Variants in NRDE2 observed in about 807,000 individuals in gnomAD.
NRDE2 encodes NRDE-2, necessary for RNA interference, domain containing.
NRDE2 carries 76 observed loss-of-function variants against 124.2 expected under a neutral mutation model. The ratio of observed to expected loss-of-function variants is 0.61; its 90% CI spans 0.51 to 0.74. NRDE2 has a LOEUF of 0.74. Among genes scored for constraint, NRDE2 ranks in the 30% least tolerant of loss-of-function variants. The pLI is 0.00. For missense variants in NRDE2, 1,314 were observed against 1,417.3 expected, an observed-to-expected ratio of 0.93 and a Z score of 1.17; for synonymous variants, 489 against 528.1, an observed-to-expected ratio of 0.93 and a Z score of 1.01.
chr14:90,280,834 CTCT>C (rs1217050857), intron 12 of NRDE2: 1 of 152,398 alleles, frequency 6.6e-6, no homozygotes, highest in Non-Finnish European at 1.5e-5. Context: ...CAGGGGGCAA[CTCT>C]TCTTTGCTGG....
rs1282200631 is a variant in NRDE2 at position 90,316,706 on chromosome 14, C to A, written c.279G>T (p.Gln93His). 3 of 1,613,858 alleles carry A rather than the reference C, an allele frequency of 1.9e-6. No individual in the cohort carries two copies. The highest frequency in any genetic ancestry group is 2.2e-5 in the South Asian group (2 of 90,942). Residue 93 changes from glutamine (Q) to histidine (H), a missense_variant, in exon 3 of 14, where the codon CAG (glutamine) becomes CAT (histidine). Transcript: ENST00000354366. Reference sequence around the variant, plus strand: ...GCTTCCTCTTTGTTTTCTTATGATGCTGATGCTTCCTTTTTTTCTTTTTCT... The same window carrying A: ...GCTTCCTCTTTGTTTTCTTATGATGATGATGCTTCCTTTTTTTCTTTTTCT... ...KKEKKKKRKH[Q>H]HHKKTKRKHG...
chr14:90,299,947 G>C (rs1359430328), intron 7 of NRDE2, among the ~76,000 whole-genome samples: 1 of 152,142 alleles, frequency 6.6e-6, no homozygotes, highest in African/African-American at 2.4e-5. Context: ...AGTTATAAAA[G>C]CAATATGGAA....
chr14:90,316,487 A>G, intron 3 of NRDE2, 91 bp downstream of exon 3: 1 of 884,826 alleles, frequency 1.1e-6, no homozygotes, highest in Non-Finnish European at 1.8e-6. Context: ...GAGTGACTAA[A>G]TGGTTATTCA....
At chr14:90,283,156 T>C (rs1892002235) in intron 12 of NRDE2, among the ~76,000 whole-genome samples, 1 of 152,186 alleles carries the variant, frequency 6.6e-6, no homozygotes, top group Non-Finnish European at 1.5e-5. Flanking sequence ...ATGTGATTTT[T>C]CACTGTGTTA....
chr14:90,329,179 CCT>C (rs1466522058), intron 1 of NRDE2, among the ~76,000 whole-genome samples: 4 of 152,132 alleles, frequency 2.6e-5, no homozygotes, highest in African/African-American at 7.2e-5. Context: ...TCGATTTCCC[CCT>C]CTCAAAATAA....
intron 12 of NRDE2, 64 bp downstream of exon 12, chr14:90,286,290 T>G: frequency 6.5e-7 from 1 of 1,535,032 alleles, no homozygotes; most frequent in Non-Finnish European, 8.8e-7. Context: ...CATAAATACC[T>G]TCTCATTTAT....
chr14:90,309,146 G>A (rs1884729818), intron 4 of NRDE2, among the ~76,000 whole-genome samples: 1 of 151,978 alleles, frequency 6.6e-6, no homozygotes, highest in Non-Finnish European at 1.5e-5. Flanking sequence ...TGTGAGTTGG[G>A]TCGCACGCAT....
intron 4 of NRDE2, among the ~76,000 whole-genome samples, chr14:90,306,186 G>C (rs907150110): frequency 1.1e-4 from 16 of 152,160 alleles, no homozygotes; most frequent in Non-Finnish European, 2.9e-5. Context: ...GCCGTGGGGA[G>C]AAAAAGGCAG....
rs1891701578 is a variant in NRDE2, at chr14:90,272,711, G to GA, written c.*5624dup. The GA allele has an allele frequency of 4.2e-6, 1 of 236,234 alleles. No homozygotes were observed. The highest frequency in any genetic ancestry group is 2.3e-5 in the African/African-American group (1 of 43,466). The allele number at this position is 236,234 out of a possible 1,614,324, so 14.6% of individuals were successfully genotyped here. On this transcript the variant is annotated 3_prime_UTR_variant, in exon 14 of 14. Coordinates refer to ENST00000354366, the MANE Select transcript of NRDE2 (RefSeq NM_017970.4). The surrounding 1 kb of genome is among the most constrained non-coding windows in gnomAD (Gnocchi z 4.5). ...CAGCTACAGGGAAGCCTTTGGACAGGAACTCAGGCTGCGGTCCCAAGGAGT... is the reference window on the plus strand; with the variant it reads ...CAGCTACAGGGAAGCCTTTGGACAGGAAACTCAGGCTGCGGTCCCAAGGAGT...
chr14:90,274,838 A>ACACACACCCCCCC lies in NRDE2; in HGVS notation c.*3497_*3498insGGGGGGGTGTGTG, dbSNP rs1491397403. ...CACACACACACACACACACACACAC[A>ACACACACCCCCCC]CCCCAATACATATGAATTGATCTGA... On this transcript the variant is annotated 3_prime_UTR_variant, in exon 14 of 14. Transcript: ENST00000354366. 1.5e-5 allele frequency: 1 copy of ACACACACCCCCCC among 67,186 alleles called. No homozygotes were observed. The highest frequency in any genetic ancestry group is 3.2e-5 in the Non-Finnish European group (1 of 31,320). 4.2% of individuals were successfully genotyped at this position (67,186 alleles called of 1,614,324 possible).
intron 8 of NRDE2, among the ~76,000 whole-genome samples, chr14:90,297,352 T>C (rs1884210853): frequency 6.6e-6 from 1 of 152,120 alleles, no homozygotes; most frequent in Non-Finnish European, 1.5e-5. Context: ...TTTGATATAC[T>C]AGATTAAGTA....
At chr14:90,308,377 G>C (rs920268474) in intron 4 of NRDE2, among the ~76,000 whole-genome samples, 1 of 152,130 alleles carries the variant, frequency 6.6e-6, no homozygotes, top group Non-Finnish European at 1.5e-5. Context: ...GGGAGTAGAG[G>C]ATGTGCTACT....
At chr14:90,292,964 C>A in intron 8 of NRDE2, 92 bp from the exon 9 acceptor site, 3 of 1,171,266 alleles carry the variant, frequency 2.6e-6, no homozygotes, top group Non-Finnish European at 3.7e-6. Flanking sequence ...GTTGGGCACC[C>A]GCAATGCCAA....
At chr14:90,291,860 G>T (rs1892279159) in intron 9 of NRDE2, among the ~76,000 whole-genome samples, 1 of 152,176 alleles carries the variant, frequency 6.6e-6, no homozygotes, top group Admixed American at 6.5e-5. Flanking sequence ...CATCCAAGAG[G>T]ATTCACCGAG....
chr14:90,309,093 A>G (rs1019862901), intron 4 of NRDE2, among the ~76,000 whole-genome samples: 1 of 152,006 alleles, frequency 6.6e-6, no homozygotes, highest in Non-Finnish European at 1.5e-5. Flanking sequence ...ATACAAAAAT[A>G]CAAAAAAACT....
chr14:90,272,017 C>G lies in NRDE2; in HGVS notation c.*6319G>C, dbSNP rs986476542. ...AAGCAATTCTCCTGCCTCAGCCTCC[C>G]GAGTAGCTAGGATTACAGGTGCCTG... On this transcript the variant is annotated 3_prime_UTR_variant, in exon 14 of 14. Transcript: ENST00000354366. This position sits in a 1 kb window ranked among gnomAD's most constrained non-coding sequence, Gnocchi z 4.5. The G allele has an allele frequency of 2.4e-5, 7 of 291,890 alleles. No individual in the cohort carries two copies. The highest frequency in any genetic ancestry group is 4.6e-5 in the Non-Finnish European group (7 of 150,884). 18.1% of individuals were successfully genotyped at this position (291,890 alleles called of 1,614,324 possible).
rs912636298 is a variant in NRDE2, at chr14:90,288,596, A to G, written c.2779T>C (p.Tyr927His). The G allele has an allele frequency of 1.2e-6, 2 of 1,614,196 alleles. No homozygotes were observed. The highest frequency in any genetic ancestry group is 1.6e-4 in the Middle Eastern group (1 of 6,062). The change falls in exon 11 of 14, where the codon TAC becomes CAC. Residue 927 changes from tyrosine to histidine, a missense_variant. By Grantham distance (83) the Tyr-to-His change is moderately conservative. Transcript: ENST00000354366. ...TIGIDAAVQIYEQVFAKLNSS... is the reference protein window; with the variant it reads ...TIGIDAAVQIHEQVFAKLNSS... ...TTCAGTTTTGCAAACACCTGTTCGTATATCTGCACAGCAGCATCAATCCCT... is the reference window on the plus strand; with the variant it reads ...TTCAGTTTTGCAAACACCTGTTCGTGTATCTGCACAGCAGCATCAATCCCT...
Position 90,276,785 on chromosome 14 carries a change from G to A in NRDE2, c.*1551C>T, listed in dbSNP as rs1192289081. On this transcript the variant is annotated 3_prime_UTR_variant, in exon 14 of 14. Coordinates refer to ENST00000354366, the MANE Select transcript of NRDE2 (RefSeq NM_017970.4). ...CGCCCTTCTAAGTTCTGAACCAGAT[G>A]AGAAGAGACATGAGTCAGATGGGGA... 6.6e-6 allele frequency: 1 copy of A among 152,240 alleles called. No individual in the cohort carries two copies. The highest frequency in any genetic ancestry group is 1.5e-5 in the Non-Finnish European group (1 of 68,098). 9.4% of individuals were successfully genotyped at this position (152,240 alleles called of 1,614,324 possible).
At chr14:90,327,304 C>T (rs1364720142) in intron 1 of NRDE2, among the ~76,000 whole-genome samples, 7 of 152,232 alleles carry the variant, frequency 4.6e-5, no homozygotes, top group Non-Finnish European at 1.0e-4. Context: ...AATCCCAGCA[C>T]TCTGGGAGGC....
Sources: gnomAD v4.1 joint callset for allele counts (sites outside exome capture counted in the v4.1 genomes callset) on GRCh38, gnomAD v4.1.1 for gene constraint, Gnocchi (gnomAD v3.1) non-coding constraint, MANE v1.5 for transcripts, NCBI Gene and HGNC (gene_info 2026-07-23, HGNC 2026-07-21) for gene names.